The following ERBIN variants were observed in gnomAD, a reference collection of about 807,000 sequenced individuals.
The protein encoded by ERBIN is densin-180-like protein.
A neutral mutation model predicts 158.4 loss-of-function variants in ERBIN; 60 were observed. That is an observed-to-expected ratio of 0.38 (90% CI 0.31 to 0.47). ERBIN has a LOEUF of 0.47. ERBIN is among the 20% of genes least tolerant of loss of function. The pLI is 0.99. For missense variants in ERBIN, 1,610 were observed against 1,648.0 expected, an observed-to-expected ratio of 0.98 and a Z score of 0.40; for synonymous variants, 594 against 557.2, an observed-to-expected ratio of 1.07 and a Z score of -0.93.
chr5:66,072,432 T>G (rs963257000), intron 22 of ERBIN, 141 bp downstream of exon 22: 14 of 815,568 alleles, frequency 1.7e-5, no homozygotes, highest in Non-Finnish European at 2.5e-5. Flanking sequence ...TTTTAAAATA[T>G]CAGAAATACA....
chr5:66,050,687 A>C lies in ERBIN; in HGVS notation c.1904-96A>C. The C allele has an allele frequency of 4.3e-6, 3 of 694,978 alleles. No homozygotes were observed. In the Admixed American group the frequency reaches 9.5e-5, roughly 22 times the overall value. 43.1% of individuals were successfully genotyped at this position (694,978 alleles called of 1,614,324 possible). ...ATATAATTTATTACCTCATATATAG[A>C]ACCAGGATGGTATAATTGCCATTTG... On this transcript the variant is annotated intron_variant, in intron 19 of 25. Coordinates refer to ENST00000284037, the MANE Select transcript of ERBIN (RefSeq NM_001253697.2).
chr5:66,024,135 A>T (rs1755992957), intron 9 of ERBIN, among the ~76,000 whole-genome samples, 171 bp from the exon 10 acceptor site: 1 of 152,192 alleles, frequency 6.6e-6, no homozygotes. Flanking sequence ...AGAACATCTT[A>T]GCTATATTAC....
chr5:66,048,598 T>C (rs1423283695), intron 18 of ERBIN, 69 bp from the exon 19 acceptor site: 25 of 835,990 alleles, frequency 3.0e-5, no homozygotes, highest in Non-Finnish European at 4.4e-5. Context: ...TAAAGTCTTA[T>C]GACTTAATAT....
intron 1 of ERBIN, among the ~76,000 whole-genome samples, chr5:65,977,431 C>G: frequency 6.6e-6 from 1 of 151,814 alleles, no homozygotes; most frequent in African/African-American, 2.4e-5. Flanking sequence ...GGGCTCCTCA[C>G]TTCTCGGACG....
intron 3 of ERBIN, among the ~76,000 whole-genome samples, chr5:65,994,483 T>A (rs993478574): frequency 2.8e-4 from 43 of 152,330 alleles, no homozygotes; most frequent in Non-Finnish European, 1.0e-4. Context: ...TTATTTTTTT[T>A]ACTAACTCAA....
At chr5:65,966,727 C>G (rs980263265) in intron 1 of ERBIN, among the ~76,000 whole-genome samples, 16 of 143,038 alleles carry the variant, frequency 1.1e-4, no homozygotes, top group African/African-American at 4.1e-4. Flanking sequence ...GTAAATCATT[C>G]CATGACAGGA....
intron 20 of ERBIN, among the ~76,000 whole-genome samples, chr5:66,052,155 C>CTA (rs1346221907): frequency 6.7e-6 from 1 of 149,136 alleles, no homozygotes; most frequent in Non-Finnish European, 1.5e-5. Flanking sequence ...CATGATCAGG[C>CTA]TACTGCACTC....
chr5:65,942,679 C>T (rs919331870), intron 1 of ERBIN, among the ~76,000 whole-genome samples: 15 of 152,166 alleles, frequency 9.9e-5, no homozygotes, highest in African/African-American at 3.4e-4. Flanking sequence ...AATCCCAGCA[C>T]TTTGGGAGGC....
At chr5:65,996,727 C>T (rs1051084608) in intron 4 of ERBIN, among the ~76,000 whole-genome samples, 2 of 152,036 alleles carry the variant, frequency 1.3e-5, no homozygotes, top group African/African-American at 4.8e-5. Context: ...GTAGTATGGA[C>T]GTTTTAACAA....
rs189017780 is a variant in ERBIN at position 66,057,884 on chromosome 5, T to C, written c.3633+2933T>C. The stretch of plus-strand genomic sequence containing the variant: ...TGTCCCTACAAAGGACATGAACTTA[T>C]CATTTTTTATGGCTGCATAGTATTC... On this transcript the variant is annotated intron_variant, in intron 21 of 25. Transcript: ENST00000284037. Among the ~76,000 whole-genome samples, 410 of 150,356 alleles carry C rather than the reference T, an allele frequency of 2.7e-3. 7 individuals carry two copies. The highest frequency in any genetic ancestry group is 9.8e-3 in the African/African-American group (388 of 39,710).
At chr5:65,985,256 T>A (rs1285306674) in intron 1 of ERBIN, among the ~76,000 whole-genome samples, 2 of 152,130 alleles carry the variant, frequency 1.3e-5, no homozygotes, top group Admixed American at 6.5e-5. Flanking sequence ...CCATGCCCAG[T>A]TAATTTTTGT....
chr5:66,045,244 G>GCCC (rs1758315217), intron 17 of ERBIN, among the ~76,000 whole-genome samples: 4 of 151,910 alleles, frequency 2.6e-5, no homozygotes, highest in Admixed American at 2.0e-4. Context: ...GTGTAATGGA[G>GCCC]CTGAAAAACT....
At chr5:65,932,093 C>G (rs1396212042) in intron 1 of ERBIN, among the ~76,000 whole-genome samples, 1 of 151,944 alleles carries the variant, frequency 6.6e-6, no homozygotes, top group Admixed American at 6.6e-5. Flanking sequence ...GCTGGGATTA[C>G]AGGCGTGAGC....
intron 14 of ERBIN, among the ~76,000 whole-genome samples, chr5:66,036,164 G>T (rs898003389): frequency 6.6e-6 from 1 of 152,072 alleles, no homozygotes; most frequent in Non-Finnish European, 1.5e-5. Context: ...CAGTGCTTTC[G>T]AACAGTGCTG....
chr5:66,052,691 A>G (rs1271808677), intron 20 of ERBIN, among the ~76,000 whole-genome samples: 4 of 152,214 alleles, frequency 2.6e-5, no homozygotes, highest in Non-Finnish European at 4.4e-5. Context: ...TTGAATATGT[A>G]TACAAGAGGA....
chr5:66,066,423 A>G (rs1039319553), intron 21 of ERBIN, among the ~76,000 whole-genome samples: 7 of 151,916 alleles, frequency 4.6e-5, no homozygotes, highest in South Asian at 2.1e-4. Flanking sequence ...AAAATTTGCT[A>G]CTTTACTCAG....
intron 7 of ERBIN, among the ~76,000 whole-genome samples, chr5:66,017,515 AG>A (rs1226907037): frequency 2.1e-5 from 2 of 93,584 alleles, no homozygotes; most frequent in South Asian, 4.2e-4. Flanking sequence ...ATTTTACAAT[AG>A]AATTTTTTTT....
At chr5:66,046,266 G>A in intron 17 of ERBIN, 87 bp from the exon 18 acceptor site, 1 of 765,408 alleles carries the variant, frequency 1.3e-6, no homozygotes, top group Non-Finnish European at 1.9e-6. Flanking sequence ...TTGGAAGTTG[G>A]CAAATTGCTT....
intron 4 of ERBIN, among the ~76,000 whole-genome samples, chr5:65,998,979 G>A (rs1295177054): frequency 6.6e-6 from 1 of 150,904 alleles, no homozygotes; most frequent in East Asian, 1.9e-4. Context: ...TCCACCAGTT[G>A]TTAGCATTTT....
Sources: allele counts gnomAD v4.1 joint callset (sites outside exome capture counted in the v4.1 genomes callset), GRCh38; gene constraint gnomAD v4.1.1; transcripts MANE v1.5; gene names NCBI Gene and HGNC (gene_info 2026-07-23, HGNC 2026-07-21).